ZNF808: variants seen among roughly 807,000 people sequenced by gnomAD.
ZNF808 encodes the protein zinc finger protein 808.
In ZNF808, 5 loss-of-function variants were observed where a neutral mutation model predicts 8.7. The observed-to-expected ratio is 0.58, with a 90% confidence interval of 0.30 to 1.21. ZNF808 has a LOEUF of 1.21. Among genes scored for constraint, ZNF808 ranks in the 50% most tolerant of loss-of-function variants. The pLI is 0.07. For synonymous variants in ZNF808, 380 were observed against 366.0 expected (o/e 1.04, Z -0.44); for missense variants, 1,103 against 1,098.4 (o/e 1.00, Z -0.06).
chr19:52,533,968 T>A (rs1247564868), intron 2 of ZNF808, among the ~76,000 whole-genome samples: 1 of 152,036 alleles, frequency 6.6e-6, no homozygotes, highest in Admixed American at 6.6e-5. Flanking sequence ...TAAATAATTC[T>A]GAGCCTTGAG....
chr19:52,538,720 G>C (rs1239584541), intron 2 of ZNF808, among the ~76,000 whole-genome samples: 1 of 151,588 alleles, frequency 6.6e-6, no homozygotes, highest in Non-Finnish European at 1.5e-5. Flanking sequence ...CAGATGGAGA[G>C]AGAAAGTGAG....
downstream of ZNF808, among the ~76,000 whole-genome samples, chr19:52,560,307 T>C (rs1320805430): frequency 1.3e-5 from 2 of 151,064 alleles, no homozygotes; most frequent in Non-Finnish European, 2.9e-5. Context: ...GCCTGGGTGA[T>C]AGAGTGACAC....
chr19:52,532,812 CA>C, intron 1 of ZNF808, 95 bp from the exon 2 acceptor site: 1 of 154,752 alleles, frequency 6.5e-6, no homozygotes. Context: ...TTGGGAAGTT[CA>C]AAATAAGTAT....
chr19:52,555,281 A>G lies in ZNF808; in HGVS notation c.2365A>G (p.Lys789Glu), dbSNP rs760832936. 1 of 1,614,180 alleles carries G rather than the reference A, an allele frequency of 6.2e-7. No individual in the cohort carries two copies. The highest frequency in any genetic ancestry group is 8.5e-7 in the Non-Finnish European group (1 of 1,180,032). Residue 789 changes from lysine to glutamate, a missense_variant, in exon 5 of 5, where the codon AAA becomes GAA. Coordinates refer to ENST00000359798, the MANE Select transcript of ZNF808 (RefSeq NM_001039886.4). Reference protein sequence around the residue: ...VYHRRLHTGEKSYKCTVCDKA... With the variant: ...VYHRRLHTGEESYKCTVCDKA... ...CCATCGTAGACTTCATACTGGAGAG[A>G]AATCTTACAAATGTACGGTTTGTGA...
chr19:52,531,631 T>G (rs2059562869), intron 1 of ZNF808, among the ~76,000 whole-genome samples: 1 of 152,192 alleles, frequency 6.6e-6, no homozygotes, highest in South Asian at 2.1e-4. Context: ...TTGGCCAATA[T>G]AAACATTCAG....
At chr19:52,551,657 T>C (rs1489841721) in intron 4 of ZNF808, among the ~76,000 whole-genome samples, 1 of 152,152 alleles carries the variant, frequency 6.6e-6, no homozygotes, top group East Asian at 1.9e-4. Context: ...ATTTTACATA[T>C]GGCTTTTCGG....
At chr19:52,548,294 G>A (rs1318853900) in intron 4 of ZNF808, among the ~76,000 whole-genome samples, 2 of 152,174 alleles carry the variant, frequency 1.3e-5, no homozygotes, top group Admixed American at 1.3e-4. Flanking sequence ...TTTGTTGTAG[G>A]ATCAACCCTG....
chr19:52,533,843 C>CAAAAAA (rs919374020), intron 2 of ZNF808, among the ~76,000 whole-genome samples: 18 of 30,768 alleles, frequency 5.9e-4, no homozygotes, highest in South Asian at 1.6e-3. Flanking sequence ...ACTCCGTCTC[C>CAAAAAA]AAAAAAAAAA....
intron 2 of ZNF808, chr19:52,535,873 C>T (rs1018897958): frequency 7.2e-5 from 11 of 152,244 alleles, no homozygotes; most frequent in South Asian, 2.1e-4. Flanking sequence ...ACAGGTCCCG[C>T]CCCGGCCCCG....
exon 4 of ZNF808, chr19:52,563,559 G>C (rs946501628): frequency 3.3e-4 from 51 of 152,394 alleles, no homozygotes; most frequent in African/African-American, 1.2e-3. Context: ...GTAAAGTTTG[G>C]GTACAGGAAT....
chr19:52,534,412 T>C (rs1255651485), intron 2 of ZNF808, among the ~76,000 whole-genome samples: 3 of 152,210 alleles, frequency 2.0e-5, no homozygotes, highest in Non-Finnish European at 4.4e-5. Flanking sequence ...CTGAAGTTTC[T>C]TTCTCTCTTT....
chr19:52,564,893 T>C (rs2059869162), downstream of ZNF808, among the ~76,000 whole-genome samples: 1 of 152,104 alleles, frequency 6.6e-6, no homozygotes, highest in Non-Finnish European at 1.5e-5. Flanking sequence ...GAGACCATCC[T>C]GGCTAACACG....
At position 52,532,127 on chromosome 19, in the gene ZNF808, T is replaced by G. The variant is rs527929018; in HGVS notation, c.-121-781T>G. 7.2e-5 allele frequency among the ~76,000 whole-genome samples: 11 copies of G among 152,342 alleles called. No homozygotes were observed. The East Asian group carries it at 2.1e-3, about 29-fold the overall frequency. On this transcript the variant is annotated intron_variant, in intron 1 of 4. Coordinates refer to ENST00000359798, the MANE Select transcript of ZNF808 (RefSeq NM_001039886.4). ...ACATATGGCTTTTCAGTATATGATA[T>G]GTAATGGAACTGACACACTGCACTT...
rs759134535 is a variant in ZNF808, at chr19:52,553,994, C to T, written c.1078C>T (p.Arg360Cys). The change falls in exon 5 of 5, where the codon CGC becomes TGC. Residue 360 changes from arginine to cysteine, a missense_variant. Arg to Cys is a radical substitution (Grantham distance 180, BLOSUM62 -3). Transcript: ENST00000359798. ...KAFNQQSHLS[R>C]HQRLHTGVKP... is the part of the protein sequence containing the mutation. ...TTTTAATCAACAATCACACCTTTCA[C>T]GCCATCAAAGACTTCATACTGGAGT... 5.6e-6 allele frequency: 9 copies of T among 1,613,868 alleles called. No individual in the cohort carries two copies. Among genetic ancestry groups the T allele is most frequent in the South Asian group, 3.3e-5 (3 of 91,082 alleles).
intron 1 of ZNF808, 197 bp downstream of exon 1, chr19:52,527,908 G>C (rs1295663315): frequency 1.3e-5 from 2 of 152,578 alleles, no homozygotes; most frequent in East Asian, 3.9e-4. Flanking sequence ...GTCCCGTCCC[G>C]GGTCTGTCTG....
At chr19:52,528,303 T>TCCAGC (rs1324250603) in intron 1 of ZNF808, among the ~76,000 whole-genome samples, 2 of 152,090 alleles carry the variant, frequency 1.3e-5, no homozygotes, top group African/African-American at 4.8e-5. Context: ...CCTGCCGAGC[T>TCCAGC]CCAGCCCTTG....
chr19:52,541,032 A>C (rs1010012612), intron 2 of ZNF808, among the ~76,000 whole-genome samples: 1 of 151,848 alleles, frequency 6.6e-6, no homozygotes, highest in African/African-American at 2.4e-5. Context: ...GCTCACTGCA[A>C]CCTCTACCTC....
chr19:52,565,088 A>AAAAT (rs913781255), downstream of ZNF808, among the ~76,000 whole-genome samples: 74 of 152,210 alleles, frequency 4.9e-4, no homozygotes, highest in Middle Eastern at 3.4e-3. Flanking sequence ...TCCGTCTCAA[A>AAAAT]AAATAAATAA....
chr19:52,538,860 G>T (rs2059640158), intron 2 of ZNF808, among the ~76,000 whole-genome samples: 2 of 152,120 alleles, frequency 1.3e-5, no homozygotes, highest in African/African-American at 4.8e-5. Flanking sequence ...TGTTTATAAG[G>T]TAACAAATTT....
Sources: allele counts gnomAD v4.1 joint callset (sites outside exome capture counted in the v4.1 genomes callset), GRCh38; gene constraint gnomAD v4.1.1; transcripts MANE v1.5; gene names NCBI Gene and HGNC (gene_info 2026-07-23, HGNC 2026-07-21).